CAND1: variants seen among roughly 807,000 people sequenced by gnomAD.
The protein encoded by CAND1 is cullin associated and neddylation dissociated 1.
In CAND1, 7 loss-of-function variants were observed where a neutral mutation model predicts 108.5. The observed-to-expected ratio is 0.06, with a 90% CI of 0.04 to 0.12. The LOEUF is 0.12. Ranked by LOEUF, CAND1 falls within the 10% of genes least tolerant of loss-of-function variation. The pLI is 1.00. For missense variants in CAND1, 941 were observed against 1,448.7 expected, an observed-to-expected ratio of 0.65 and a Z score of 5.69; for synonymous variants, 534 against 512.0, an observed-to-expected ratio of 1.04 and a Z score of -0.58.
intron 2 of CAND1, among the ~76,000 whole-genome samples, chr12:67,286,351 G>A (rs957785900): frequency 6.6e-6 from 1 of 152,084 alleles, no homozygotes. Flanking sequence ...AACTGCTCTT[G>A]TTCACTTAGC....
chr12:67,283,514 C>T (rs1488935193), intron 2 of CAND1, among the ~76,000 whole-genome samples: 9 of 148,650 alleles, frequency 6.1e-5, no homozygotes, highest in Admixed American at 1.4e-4. Context: ...ACCTGGAAGG[C>T]GGAGGTTGCA....
At chr12:67,294,523 A>G (rs1354719817) in intron 3 of CAND1, among the ~76,000 whole-genome samples, 3 of 152,206 alleles carry the variant, frequency 2.0e-5, no homozygotes, top group Non-Finnish European at 2.9e-5. Context: ...TTTTCAATCT[A>G]GGTGTGCAAG....
At chr12:67,289,664 G>A (rs921105395) in intron 2 of CAND1, among the ~76,000 whole-genome samples, 4 of 152,108 alleles carry the variant, frequency 2.6e-5, no homozygotes, top group Non-Finnish European at 2.9e-5. Context: ...ATCGTGACTC[G>A]CCACTATTCT....
intron 1 of CAND1, chr12:67,270,054 C>T (rs952730872): frequency 1.6e-5 from 7 of 449,648 alleles, no homozygotes; most frequent in Non-Finnish European, 2.3e-5. Context: ...CCACATCCTT[C>T]CCTGCCCCAC....
chr12:67,292,906 G>A, intron 3 of CAND1, 130 bp downstream of exon 3: 2 of 761,590 alleles, frequency 2.6e-6, no homozygotes, highest in Non-Finnish European at 4.4e-6. Context: ...AATCCCTTTG[G>A]ACAATTAAGA....
In CAND1 at chr12:67,281,899, T is replaced by G; in HGVS notation, c.69-11T>G. ...AAATTTTCAAATTAACAAATTTTATTTTTTTGATAGGTTTATGGCTACAAA... is the reference window on the plus strand; with the variant it reads ...AAATTTTCAAATTAACAAATTTTATGTTTTTGATAGGTTTATGGCTACAAA... On this transcript the variant is annotated splice_polypyrimidine_tract_variant and intron_variant, in intron 1 of 14. Transcript: ENST00000545606. The G allele has an allele frequency of 1.3e-6, 2 of 1,554,880 alleles. No homozygotes were observed. The highest frequency in any genetic ancestry group is 8.6e-7 in the Non-Finnish European group (1 of 1,157,008).
chr12:67,307,315 G>A, intron 10 of CAND1, 82 bp from the exon 11 acceptor site: 1 of 905,072 alleles, frequency 1.1e-6, no homozygotes, highest in Non-Finnish European at 1.8e-6. Flanking sequence ...AGACACTGGT[G>A]TTATTTGGAG....
intron 2 of CAND1, among the ~76,000 whole-genome samples, chr12:67,288,640 C>G (rs915234575): frequency 6.6e-6 from 1 of 152,104 alleles, no homozygotes; most frequent in African/African-American, 2.4e-5. Flanking sequence ...AAGACTATTG[C>G]AATAGGCGAA....
In CAND1 at chr12:67,302,564, C is replaced by G; in HGVS notation, c.1242C>G (p.Asp414Glu). The change falls in exon 8 of 15, where the codon GAC becomes GAG. Residue 414 changes from aspartate (D) to glutamate (E), a missense_variant. This residue lies in a region of CAND1 where 697 missense variants were observed against 942.0 expected (regional missense o/e 0.74). Coordinates refer to ENST00000545606, the MANE Select transcript of CAND1 (RefSeq NM_018448.5). ...QTRPVQSWLCDPDAMEQGETP... is the reference protein window; with the variant it reads ...QTRPVQSWLCEPDAMEQGETP... ...GTCCTGTACAAAGTTGGCTATGTGA[C>G]CCTGATGCAATGGAGCAGGGAGAAA... 1 of 1,614,090 alleles carries G rather than the reference C, an allele frequency of 6.2e-7. No individual in the cohort carries two copies. Among genetic ancestry groups the G allele is most frequent in the African/African-American group, 1.3e-5 (1 of 75,038 alleles).
At chr12:67,299,203 A>G (rs2044799640) in intron 7 of CAND1, 108 bp downstream of exon 7, 2 of 1,078,226 alleles carry the variant, frequency 1.9e-6, no homozygotes, top group Admixed American at 3.3e-5. Context: ...TATAATAGTG[A>G]AAAGGGAAAT....
chr12:67,294,479 A>G (rs1016475322), intron 3 of CAND1, among the ~76,000 whole-genome samples: 5 of 152,196 alleles, frequency 3.3e-5, no homozygotes, highest in Non-Finnish European at 5.9e-5. Flanking sequence ...AGTCTACTAG[A>G]AAAGACTCAA....
intron 4 of CAND1, chr12:67,297,159 T>C: frequency 5.5e-6 from 3 of 548,740 alleles, no homozygotes; most frequent in Non-Finnish European, 9.7e-6. Context: ...TATCCTATAA[T>C]TGGGGATTTA....
chr12:67,276,119 C>T (rs2044566873), intron 1 of CAND1, among the ~76,000 whole-genome samples: 1 of 152,060 alleles, frequency 6.6e-6, no homozygotes, highest in Non-Finnish European at 1.5e-5. Context: ...CCAGTTTGTT[C>T]CCTCTGGCCA....
Position 67,311,789 on chromosome 12 carries a change from T to G in CAND1, c.3457T>G (p.Cys1153Gly), listed in dbSNP as rs1462678875. The G allele has an allele frequency of 1.3e-6, 2 of 1,595,580 alleles. No homozygotes were observed. The highest frequency in any genetic ancestry group is 2.2e-5 in the East Asian group (1 of 44,742). Residue 1153 changes from cysteine to glycine, a missense_variant, in exon 14 of 15, where the codon TGT becomes GGT. By Grantham distance (159) the Cys-to-Gly change is radical. This residue lies in a region of CAND1 where 22 missense variants were observed against 24.4 expected (regional missense o/e 0.90). Coordinates refer to ENST00000545606, the MANE Select transcript of CAND1 (RefSeq NM_018448.5). ...ACTTGTTGAGCCATTACGTGCAACA[T>G]GTACAACTAAGGTAAGAAATGATAA... Reference protein sequence around the residue: ...DRLVEPLRATCTTKVKANSVK... With the variant: ...DRLVEPLRATGTTKVKANSVK...
intron 4 of CAND1, among the ~76,000 whole-genome samples, chr12:67,296,182 T>G (rs972308759): frequency 1.3e-5 from 2 of 152,178 alleles, no homozygotes; most frequent in Admixed American, 1.3e-4. Flanking sequence ...TTCAGACTTT[T>G]TGTCCTGTGC....
chr12:67,281,806 T>C (rs2044622604), intron 1 of CAND1, 104 bp from the exon 2 acceptor site: 1 of 657,142 alleles, frequency 1.5e-6, no homozygotes, highest in African/African-American at 1.9e-5. Context: ...TAATAAAAGA[T>C]GTTTCTGTTG....
At position 67,269,580 on chromosome 12, in the gene CAND1, G is replaced by A. The variant is rs1340233102; in HGVS notation, c.-138G>A. Reference sequence around the variant, plus strand: ...GCCCGTCGAGGCGCCTCCCTAGTCAGCGTCGGCGTCGCGCTGCGACCCTGG... The same window carrying A: ...GCCCGTCGAGGCGCCTCCCTAGTCAACGTCGGCGTCGCGCTGCGACCCTGG... On this transcript the variant is annotated 5_prime_UTR_variant, in exon 1 of 15. Transcript: ENST00000545606. The A allele has an allele frequency of 1.5e-6, 1 of 669,744 alleles. No homozygotes were observed. The highest frequency in any genetic ancestry group is 3.1e-5 in the East Asian group (1 of 32,044). 41.5% of individuals were successfully genotyped at this position (669,744 alleles called of 1,614,324 possible). A position where few individuals can be genotyped will look rare whatever the true frequency, so the allele number is the denominator to read the frequency against.
In CAND1 at chr12:67,312,610, A is replaced by G. The variant is rs1412871892; in HGVS notation, c.3473A>G (p.Lys1158Arg). Residue 1158 changes from lysine (K) to arginine (R), a missense_variant, in exon 15 of 15, where the codon AAG (lysine) becomes AGG (arginine). Coordinates refer to ENST00000545606, the MANE Select transcript of CAND1 (RefSeq NM_018448.5). ...PLRATCTTKV[K>R]ANSVKQEFEK... is the part of the protein sequence containing the mutation. ...TAAGTTTACTCCATCTTACAGGTAA[A>G]GGCAAACTCAGTAAAGCAGGAGTTT... 6.3e-7 allele frequency: 1 copy of G among 1,599,694 alleles called. No individual in the cohort carries two copies. Among genetic ancestry groups the G allele is most frequent in the South Asian group, 1.1e-5 (1 of 88,538 alleles).
At chr12:67,297,318 T>C (rs749418936) in intron 4 of CAND1, 89 bp from the exon 5 acceptor site, 1 of 1,188,770 alleles carries the variant, frequency 8.4e-7, no homozygotes, top group Non-Finnish European at 1.2e-6. Context: ...TCTGAATATT[T>C]GCATTGAGGT....
Sources: allele counts gnomAD v4.1 joint callset (sites outside exome capture counted in the v4.1 genomes callset), GRCh38; gene constraint gnomAD v4.1.1; regional missense constraint gnomAD v4.1.1; transcripts MANE v1.5; gene names NCBI Gene and HGNC (gene_info 2026-07-23, HGNC 2026-07-21).